The following TOM1L2 variants were observed in gnomAD, a reference collection of about 807,000 sequenced individuals.
TOM1L2 encodes TOM1-like protein 2.
Under a neutral mutation model 67.9 loss-of-function variants are expected in TOM1L2, and 31 were observed. The observed-to-expected ratio is 0.46, with a 90% CI of 0.34 to 0.62. TOM1L2 has a LOEUF of 0.62. TOM1L2 is among the 20% of genes least tolerant of loss of function. The pLI is 0.01. For synonymous variants in TOM1L2, 256 were observed against 254.0 expected (o/e 1.01, Z -0.07); for missense variants, 606 against 663.5 (o/e 0.91, Z 0.95).
intron 1 of TOM1L2, among the ~76,000 whole-genome samples, chr17:17,961,669 C>G (rs375354925): frequency 6.6e-6 from 1 of 151,994 alleles, no homozygotes; most frequent in African/African-American, 2.4e-5. Flanking sequence ...GTGAGGAGAT[C>G]GAGACCATCC....
At chr17:17,875,528 G>A (rs1412440775) in intron 7 of TOM1L2, among the ~76,000 whole-genome samples, 1 of 152,198 alleles carries the variant, frequency 6.6e-6, no homozygotes, top group Non-Finnish European at 1.5e-5. Flanking sequence ...CAACAGCCAG[G>A]ACAGGAATTT....
chr17:17,859,216 C>G (rs539493428), intron 12 of TOM1L2: 1 of 152,258 alleles, frequency 6.6e-6, no homozygotes, highest in African/African-American at 2.4e-5. Context: ...GCTGGGATTA[C>G]AGGCATGTGC....
intron 2 of TOM1L2, among the ~76,000 whole-genome samples, chr17:17,898,896 C>T (rs1483074631): frequency 6.6e-6 from 1 of 152,214 alleles, no homozygotes; most frequent in Non-Finnish European, 1.5e-5. Flanking sequence ...AATAAAGAAA[C>T]TCATGCACCA....
Position 17,852,199 on chromosome 17 carries a change from C to T in TOM1L2, c.1279-1247G>A, listed in dbSNP as rs550516437. Among the ~76,000 whole-genome samples the T allele has an allele frequency of 4.8e-4, 73 of 152,238 alleles. 2 individuals carry two copies. The highest frequency in any genetic ancestry group is 4.7e-3 in the Admixed American group (72 of 15,302). On this transcript the variant is annotated intron_variant, in intron 12 of 14. Coordinates refer to ENST00000379504, the MANE Select transcript of TOM1L2 (RefSeq NM_001082968.2). ...AATAAGCAGTAAAAGGAATGCATAC[C>T]CCAGTGTCTATCAAATGTAAAAAAT... is the stretch of plus-strand genomic sequence containing the variant.
intron 14 of TOM1L2, among the ~76,000 whole-genome samples, chr17:17,848,269 G>A (rs2035762262): frequency 6.6e-6 from 1 of 152,232 alleles, no homozygotes; most frequent in Admixed American, 6.5e-5. Flanking sequence ...CCTCCCTGCG[G>A]AGCGGTCTGG....
At chr17:17,947,803 T>C (rs2041016063) in intron 1 of TOM1L2, among the ~76,000 whole-genome samples, 1 of 152,244 alleles carries the variant, frequency 6.6e-6, no homozygotes, top group Non-Finnish European at 1.5e-5. Context: ...TTTGAAGATT[T>C]TGTTCTTTCC....
intron 1 of TOM1L2, among the ~76,000 whole-genome samples, chr17:17,918,438 G>A (rs970155382): frequency 3.3e-5 from 5 of 151,992 alleles, no homozygotes; most frequent in Admixed American, 1.3e-4. Context: ...GCATCGTTGC[G>A]CCTATATATA....
intron 12 of TOM1L2, among the ~76,000 whole-genome samples, chr17:17,857,053 C>T (rs1440686202): frequency 6.6e-6 from 1 of 152,220 alleles, no homozygotes; most frequent in Non-Finnish European, 1.5e-5. Flanking sequence ...CTCCCAGGTT[C>T]AAGCGATTCT....
At chr17:17,875,448 A>G (rs1326779795) in intron 7 of TOM1L2, among the ~76,000 whole-genome samples, 2 of 152,008 alleles carry the variant, frequency 1.3e-5, no homozygotes, top group Admixed American at 6.6e-5. Flanking sequence ...AAATCACTCA[A>G]AGTGTGATTC....
At chr17:17,879,838 T>G in intron 6 of TOM1L2, 95 bp from the exon 7 acceptor site, 1 of 1,052,730 alleles carries the variant, frequency 9.5e-7, no homozygotes, top group Non-Finnish European at 1.5e-6. Context: ...CTAGTGACAA[T>G]CCTTCTCACT....
At chr17:17,908,877 G>A (rs192932736) in intron 1 of TOM1L2, among the ~76,000 whole-genome samples, 5 of 152,242 alleles carry the variant, frequency 3.3e-5, no homozygotes, top group South Asian at 2.1e-4. Context: ...AAAACAGGAC[G>A]GTAGTTAAAA....
chr17:17,940,524 G>A (rs984350028), intron 1 of TOM1L2, among the ~76,000 whole-genome samples: 1 of 152,142 alleles, frequency 6.6e-6, no homozygotes, highest in African/African-American at 2.4e-5. Context: ...AGAGTCCTGT[G>A]GGTGCAGAGC....
chr17:17,952,547 A>G (rs890296712), intron 1 of TOM1L2, among the ~76,000 whole-genome samples: 8 of 151,532 alleles, frequency 5.3e-5, no homozygotes, highest in South Asian at 2.1e-4. Context: ...GCGTGCTGCC[A>G]CGCCTGGCTA....
intron 1 of TOM1L2, among the ~76,000 whole-genome samples, chr17:17,922,881 T>C (rs1268920615): frequency 6.6e-6 from 1 of 152,066 alleles, no homozygotes; most frequent in East Asian, 1.9e-4. Flanking sequence ...GGTGGAATAG[T>C]GAAGTGGCCA....
intron 7 of TOM1L2, among the ~76,000 whole-genome samples, chr17:17,876,860 C>T (rs1598243039): frequency 6.6e-6 from 1 of 152,212 alleles, no homozygotes; most frequent in African/African-American, 2.4e-5. Context: ...AACAGCCTGT[C>T]ACTGGGGACA....
At chr17:17,860,384 T>C (rs766592157) in intron 12 of TOM1L2, among the ~76,000 whole-genome samples, 12 of 152,226 alleles carry the variant, frequency 7.9e-5, no homozygotes, top group Non-Finnish European at 1.2e-4. Context: ...CAGCTGGCTC[T>C]TCTGCGCCCT....
intron 1 of TOM1L2, among the ~76,000 whole-genome samples, chr17:17,916,319 T>C (rs2039628024): frequency 6.6e-6 from 1 of 152,136 alleles, no homozygotes; most frequent in Non-Finnish European, 1.5e-5. Flanking sequence ...GTGATCTGCC[T>C]GCCTTGGCCT....
chr17:17,950,671 T>C (rs2041163490), intron 1 of TOM1L2, among the ~76,000 whole-genome samples: 1 of 152,210 alleles, frequency 6.6e-6, no homozygotes, highest in Non-Finnish European at 1.5e-5. Flanking sequence ...TATTTATTTA[T>C]TTTAATTTTT....
rs2038420693 is a variant in TOM1L2, at chr17:17,893,864, C to T, written c.217-54G>A. The T allele has an allele frequency of 8.2e-6, 13 of 1,577,964 alleles. No homozygotes were observed. The Admixed American group carries it at 2.1e-4, about 25-fold the overall frequency. ...ACCCCAGTGGGAGCTGGAGAAGACA[C>T]TGGGAACTGAGGAGCGCAGCTGAGT... On this transcript the variant is annotated intron_variant, in intron 3 of 14. Coordinates refer to ENST00000379504, the MANE Select transcript of TOM1L2 (RefSeq NM_001082968.2).
Sources: allele counts gnomAD v4.1 joint callset (sites outside exome capture counted in the v4.1 genomes callset), GRCh38; gene constraint gnomAD v4.1.1; transcripts MANE v1.5; gene names NCBI Gene and HGNC (gene_info 2026-07-23, HGNC 2026-07-21).